FBRSL1: variants seen among roughly 807,000 people sequenced by gnomAD.
The protein encoded by FBRSL1 is fibrosin-1-like protein.
A neutral mutation model predicts 89.6 loss-of-function variants in FBRSL1; 51 were observed. That is an observed-to-expected ratio of 0.57 (90% confidence interval 0.45 to 0.72). The LOEUF is 0.72. Among genes scored for constraint, FBRSL1 ranks in the 30% least tolerant of loss-of-function variants. FBRSL1 has a pLI of 0.00. For synonymous variants in FBRSL1, 779 were observed against 681.1 expected, an observed-to-expected ratio of 1.14 and a Z score of -2.24; for missense variants, 1,618 against 1,451.8, an observed-to-expected ratio of 1.11 and a Z score of -1.86.
chr12:132,539,662 G>A (rs185849316), intron 4 of FBRSL1, among the ~76,000 whole-genome samples: 638 of 44,968 alleles, frequency 0.014, 29 homozygotes, highest in African/African-American at 0.054. Flanking sequence ...TAGTCCTGCC[G>A]TCCAGCCCGA....
At chr12:132,571,972 G>T (rs907600607) in intron 9 of FBRSL1, 3 of 458,146 alleles carry the variant, frequency 6.5e-6, no homozygotes, top group Non-Finnish European at 1.2e-5. Context: ...CAGTAACCCG[G>T]TGTGTCCCCA....
chr12:132,566,780 C>T (rs1165463893), intron 5 of FBRSL1, among the ~76,000 whole-genome samples: 1 of 152,132 alleles, frequency 6.6e-6, no homozygotes, highest in African/African-American at 2.4e-5. Flanking sequence ...GCACATAGCG[C>T]GGTGTCCTGT....
rs538547455 is a variant in FBRSL1 at position 132,583,284 on chromosome 12, GGCCTGGGCCGCGAGC to G, written c.2524_2538del (p.Arg842_Gly846del). ...CCTGCACCCCGCGCCCCTGCAGCTC[GGCCTGGGCCGCGAGC>G]GCCTGGGCGCGCCGGGCTTCGCGTG... is the stretch of plus-strand genomic sequence containing the variant. On this transcript the variant is annotated inframe_deletion, in exon 19 of 19. Transcript: ENST00000680143. The G allele has an allele frequency of 0.039, 48,863 of 1,248,128 alleles. 1,160 individuals carry two copies. Among genetic ancestry groups the G allele is most frequent in the Non-Finnish European group, 0.044 (43,515 of 994,196 alleles). 77.3% of individuals were successfully genotyped at this position (1,248,128 alleles called of 1,614,324 possible).
Position 132,572,577 on chromosome 12 carries a change from A to G in FBRSL1, c.1485A>G (p.Pro495=). 1 of 1,551,096 alleles carries G rather than the reference A, an allele frequency of 6.4e-7. No homozygotes were observed. Among genetic ancestry groups the G allele is most frequent in the Non-Finnish European group, 8.7e-7 (1 of 1,146,846 alleles). ...PAIPGLPTLL[P]HPGPFGSLQG... is the part of the protein sequence containing the mutation. Reference sequence around the variant, plus strand: ...TCCCGGGACTGCCCACCCTGCTCCCACACCCCGGCCCCTTCGGGTCCCTGC... The same window carrying G: ...TCCCGGGACTGCCCACCCTGCTCCCGCACCCCGGCCCCTTCGGGTCCCTGC... The change falls in exon 11 of 19, where the codon CCA becomes CCG. Residue 495 remains proline, a synonymous_variant. Transcript: ENST00000680143.
At position 132,508,265 on chromosome 12, in the gene FBRSL1, G is replaced by A. The variant is rs1197147186; in HGVS notation, c.404G>A (p.Arg135Gln). 1.1e-5 allele frequency: 17 copies of A among 1,550,556 alleles called. No individual in the cohort carries two copies. Among genetic ancestry groups the A allele is most frequent in the East Asian group, 2.4e-5 (1 of 40,928 alleles). The stretch of plus-strand genomic sequence containing the variant: ...CCTGCGGAGCCCAGTGAGAACAGGC[G>A]GCCCCTGGAGGCAGGCAGCCCCGGG... ...CPPAEPSENRRPLEAGSPGQD... is the reference protein window; with the variant it reads ...CPPAEPSENRQPLEAGSPGQD... Residue 135 changes from arginine to glutamine, a missense_variant, in exon 2 of 19, where the codon CGG becomes CAG. By Grantham distance (43) the Arg-to-Gln change is conservative (BLOSUM62 1). Coordinates refer to ENST00000680143, the MANE Select transcript of FBRSL1 (RefSeq NM_001367871.1).
At chr12:132,504,072 C>T (rs2033367108) in intron 1 of FBRSL1, among the ~76,000 whole-genome samples, 1 of 152,158 alleles carries the variant, frequency 6.6e-6, no homozygotes, top group Admixed American at 6.5e-5. Flanking sequence ...AGGTGGGAAG[C>T]AGAGGGGCCT....
At position 132,574,337 on chromosome 12, in the gene FBRSL1, G is replaced by A. The variant is rs1416013556; in HGVS notation, c.1618G>A (p.Ala540Thr). 6.5e-7 allele frequency: 1 copy of A among 1,549,358 alleles called. No individual in the cohort carries two copies. Among genetic ancestry groups the A allele is most frequent in the East Asian group, 2.4e-5 (1 of 40,850 alleles). Residue 540 changes from alanine (A) to threonine (T), a missense_variant, in exon 13 of 19, where the codon GCG becomes ACG. Transcript: ENST00000680143. Reference protein sequence around the residue: ...KAPGVSDPYRAVVKKPGRWCA... With the variant: ...KAPGVSDPYRTVVKKPGRWCA... ...TCCACAGGTGTCTGACCCGTACCGG[G>A]CGGTGGTCAAGGTGAGCACGTGTTG...
intron 5 of FBRSL1, chr12:132,566,406 C>CAAAAAA (rs57339074): frequency 7.8e-6 from 1 of 128,876 alleles, no homozygotes; most frequent in East Asian, 2.3e-4. Flanking sequence ...GCTGTTTAAT[C>CAAAAAA]AAAAAAAAAA....
At chr12:132,571,255 G>C in intron 9 of FBRSL1, 24 bp downstream of exon 9, 1 of 1,476,050 alleles carries the variant, frequency 6.8e-7, no homozygotes, top group Non-Finnish European at 9.1e-7. Flanking sequence ...TCGCCCCGCC[G>C]GGAGCCCGCG....
chr12:132,501,146 C>G (rs1215377383), intron 1 of FBRSL1, among the ~76,000 whole-genome samples: 1 of 152,204 alleles, frequency 6.6e-6, no homozygotes, highest in African/African-American at 2.4e-5. Flanking sequence ...CCCTGCAACT[C>G]TGCTCCCTGG....
At chr12:132,553,282 T>G (rs926683640) in intron 5 of FBRSL1, 1 of 152,312 alleles carries the variant, frequency 6.6e-6, no homozygotes, top group Non-Finnish European at 1.5e-5. Flanking sequence ...ACAGGGTGTG[T>G]GGGGTTCCGA....
chr12:132,517,575 C>G (rs950155522), intron 2 of FBRSL1, among the ~76,000 whole-genome samples: 20 of 152,192 alleles, frequency 1.3e-4, no homozygotes, highest in African/African-American at 3.1e-4. Flanking sequence ...GGAGACTGTT[C>G]TGAGTGTGAG....
intron 1 of FBRSL1, among the ~76,000 whole-genome samples, chr12:132,506,549 C>T (rs1307670395): frequency 2.6e-5 from 4 of 152,258 alleles, no homozygotes; most frequent in African/African-American, 9.6e-5. Flanking sequence ...TTCCTAGTTA[C>T]TGTGAAAGGT....
intron 16 of FBRSL1, 64 bp downstream of exon 16, chr12:132,581,580 A>T: frequency 3.3e-6 from 5 of 1,528,196 alleles, no homozygotes; most frequent in Non-Finnish European, 4.4e-6. Flanking sequence ...GTGGCGGGGG[A>T]ATTAGGTGGG....
intron 4 of FBRSL1, among the ~76,000 whole-genome samples, chr12:132,543,987 G>A (rs976218081): frequency 2.0e-5 from 3 of 152,122 alleles, no homozygotes; most frequent in Non-Finnish European, 2.9e-5. Flanking sequence ...AACCCCTGTC[G>A]GGTGCCTCCC....
Position 132,495,465 on chromosome 12 carries a change from G to T in FBRSL1, c.291+4604G>T, listed in dbSNP as rs984840611. Among the ~76,000 whole-genome samples the T allele has an allele frequency of 4.6e-5, 7 of 152,358 alleles. No homozygotes were observed. In the East Asian group the frequency reaches 1.3e-3, roughly 29 times the overall value. ...CTGGCCCATCTCTCAGATGGTGGTG[G>T]GGGCTGAGACCGCAGACATTTGGGT... On this transcript the variant is annotated intron_variant, in intron 1 of 18. Transcript: ENST00000680143.
chr12:132,570,194 C>T lies in FBRSL1; in HGVS notation c.960C>T (p.Ala320=). The change falls in exon 7 of 19, where the codon GCC becomes GCT. Residue 320 remains alanine (A), a synonymous_variant. Transcript: ENST00000680143. ...LPTHVPASLG[A]FAGHSQAAAN... is the part of the protein sequence containing the mutation. ...CACACGTGCCTGCATCCCTGGGCGC[C>T]TTCGCGGGCCACAGCCAGGCGGCAG... 1 of 1,505,248 alleles carries T rather than the reference C, an allele frequency of 6.6e-7. No individual in the cohort carries two copies. Among genetic ancestry groups the T allele is most frequent in the Middle Eastern group, 1.9e-4 (1 of 5,390 alleles). The allele number at this position is 1,505,248 out of a possible 1,614,324, so 93.2% of individuals were successfully genotyped here.
At chr12:132,577,635 TCCC>T (rs1013975040) in intron 15 of FBRSL1, among the ~76,000 whole-genome samples, 1 of 127,500 alleles carries the variant, frequency 7.8e-6, no homozygotes, top group Non-Finnish European at 1.7e-5. Context: ...AGTCACCCCC[TCCC>T]CCGGGTCACC....
intron 1 of FBRSL1, among the ~76,000 whole-genome samples, chr12:132,494,063 C>T (rs1459823585): frequency 1.3e-5 from 2 of 152,174 alleles, no homozygotes; most frequent in Admixed American, 6.5e-5. Context: ...AGCCAGCCCC[C>T]GCTTGACTTT....
Sources: allele counts gnomAD v4.1 joint callset (sites outside exome capture counted in the v4.1 genomes callset), GRCh38; gene constraint gnomAD v4.1.1; transcripts MANE v1.5; gene names NCBI Gene and HGNC (gene_info 2026-07-23, HGNC 2026-07-21).